The following TMEM132C variants were observed in gnomAD, a reference collection of about 807,000 sequenced individuals.
The protein encoded by TMEM132C is protein phosphatase 1, regulatory subunit 152.
In TMEM132C, 29 loss-of-function variants were observed where a neutral mutation model predicts 61.4. That is an observed-to-expected ratio of 0.47 (90% CI 0.35 to 0.64). The LOEUF (loss-of-function observed/expected upper bound fraction) is 0.64. Among genes scored for constraint, TMEM132C ranks in the 30% least tolerant of loss-of-function variants. The probability of loss-of-function intolerance (pLI) is 0.00; values close to 1 mark genes in which losing one functional copy is unlikely to be tolerated. For missense variants in TMEM132C, 1,408 were observed against 1,476.9 expected (o/e 0.95, Z 0.76); for synonymous variants, 656 against 633.1 (o/e 1.04, Z -0.54).
At chr12:128,456,550 G>A (rs1350797036) in intron 2 of TMEM132C, among the ~76,000 whole-genome samples, 3 of 151,164 alleles carry the variant, frequency 2.0e-5, no homozygotes, top group Non-Finnish European at 2.9e-5. Context: ...GGGACCACAG[G>A]TGCCTGCTAC....
At chr12:128,391,969 A>T (rs1874777203) in intron 1 of TMEM132C, among the ~76,000 whole-genome samples, 1 of 152,218 alleles carries the variant, frequency 6.6e-6, no homozygotes. Flanking sequence ...TTGTCATAAA[A>T]TACCTACTAT....
intron 4 of TMEM132C, among the ~76,000 whole-genome samples, chr12:128,623,310 G>C (rs1953984305): frequency 6.6e-6 from 1 of 152,022 alleles, no homozygotes. Context: ...CTTTCATTAT[G>C]GGACTTGCTT....
chr12:128,693,683 GCA>G, intron 5 of TMEM132C, 144 bp from the exon 6 acceptor site: 1 of 887,882 alleles, frequency 1.1e-6, no homozygotes, highest in Non-Finnish European at 1.7e-6. Flanking sequence ...TAAACTGAGT[GCA>G]CCAAATCCTT....
intron 3 of TMEM132C, among the ~76,000 whole-genome samples, chr12:128,564,186 A>C (rs897570762): frequency 2.6e-5 from 4 of 152,182 alleles, no homozygotes; most frequent in Non-Finnish European, 5.9e-5. Flanking sequence ...TGGAGGCTCT[A>C]TGCTCAAGAT....
chr12:128,321,026 A>G (rs1179756383), intron 1 of TMEM132C, among the ~76,000 whole-genome samples: 69 of 151,586 alleles, frequency 4.6e-4, no homozygotes, highest in Non-Finnish European at 4.4e-5. Flanking sequence ...GACCTGTCAG[A>G]GCCCTATCAG....
Position 128,267,469 on chromosome 12 carries a change from G to C in TMEM132C, c.67G>C (p.Gly23Arg). ...GTGCGGGGCGCTGAGCCTGCTGCTG[G>C]GCGCGCTGCTGGGCAAAGGTAAGGC... is the stretch of plus-strand genomic sequence containing the variant. Reference protein sequence around the residue: ...PLCGALSLLLGALLGKVIEGH... With the variant: ...PLCGALSLLLRALLGKVIEGH... Residue 23 changes from glycine (G) to arginine (R), a missense_variant, in exon 1 of 9, where the codon GGC becomes CGC. Physicochemically the swap from Gly to Arg is moderately radical, Grantham distance 125. Transcript: ENST00000435159. The C allele has an allele frequency of 7.9e-7, 1 of 1,270,346 alleles. No individual in the cohort carries two copies. 78.7% of individuals were successfully genotyped at this position (1,270,346 alleles called of 1,614,324 possible). A position where few individuals can be genotyped will look rare whatever the true frequency, so the allele number is the denominator to read the frequency against.
At chr12:128,404,329 T>A (rs1216057503) in intron 1 of TMEM132C, 2 of 152,226 alleles carry the variant, frequency 1.3e-5, no homozygotes, top group Non-Finnish European at 2.9e-5. Flanking sequence ...CCTGGCTTCA[T>A]CCCATCTGCC....
intron 1 of TMEM132C, among the ~76,000 whole-genome samples, chr12:128,384,156 AGAGGAGCTGAAGTCT>A (rs759591569): frequency 6.6e-6 from 1 of 152,250 alleles, no homozygotes; most frequent in Admixed American, 6.5e-5. Context: ...GTCAATCATT[AGAGGAGCTGAAGTCT>A]GACCTTCTCC....
At chr12:128,405,047 T>C (rs1875294193) in intron 1 of TMEM132C, among the ~76,000 whole-genome samples, 1 of 152,126 alleles carries the variant, frequency 6.6e-6, no homozygotes, top group Non-Finnish European at 1.5e-5. Context: ...CCCGTGGCCG[T>C]AGGAAACCAG....
chr12:128,344,222 A>G (rs1201940549), intron 1 of TMEM132C, among the ~76,000 whole-genome samples: 2 of 152,100 alleles, frequency 1.3e-5, no homozygotes, highest in African/African-American at 2.4e-5. Flanking sequence ...CCGTGGCGCA[A>G]TCTAGGCTCA....
At chr12:128,455,403 A>G (rs1240375968) in intron 2 of TMEM132C, among the ~76,000 whole-genome samples, 1 of 152,220 alleles carries the variant, frequency 6.6e-6, no homozygotes, top group Non-Finnish European at 1.5e-5. Flanking sequence ...GTCTGTGCTC[A>G]GGTTCAGGAG....
At chr12:128,413,339 G>A (rs965217286) in intron 1 of TMEM132C, among the ~76,000 whole-genome samples, 1 of 127,456 alleles carries the variant, frequency 7.8e-6, no homozygotes, top group Non-Finnish European at 1.6e-5. Flanking sequence ...TGCAATAAAT[G>A]ATCTTGTGTG....
At chr12:128,340,330 CTA>C (rs1565905800) in intron 1 of TMEM132C, among the ~76,000 whole-genome samples, 2 of 152,140 alleles carry the variant, frequency 1.3e-5, no homozygotes, top group Non-Finnish European at 2.9e-5. Context: ...CTTGAATACT[CTA>C]TCGGTGCTTC....
intron 1 of TMEM132C, among the ~76,000 whole-genome samples, chr12:128,295,863 C>T (rs546133892): frequency 6.6e-6 from 1 of 151,996 alleles, no homozygotes; most frequent in African/African-American, 2.4e-5. Flanking sequence ...TTGTACATTC[C>T]TCTGTCTTTC....
At chr12:128,475,214 G>GTCAT (rs1357206160) in intron 2 of TMEM132C, among the ~76,000 whole-genome samples, 1 of 152,090 alleles carries the variant, frequency 6.6e-6, no homozygotes, top group Non-Finnish European at 1.5e-5. Flanking sequence ...AACTCGAAAT[G>GTCAT]TCATTTCTTA....
At chr12:128,588,169 C>T (rs1459804925) in intron 3 of TMEM132C, among the ~76,000 whole-genome samples, 1 of 152,198 alleles carries the variant, frequency 6.6e-6, no homozygotes, top group Non-Finnish European at 1.5e-5. Flanking sequence ...TGCAGTGGCT[C>T]ACACCTGTCA....
intron 1 of TMEM132C, among the ~76,000 whole-genome samples, chr12:128,358,227 T>C (rs551314580): frequency 1.3e-5 from 2 of 151,762 alleles, no homozygotes; most frequent in African/African-American, 4.8e-5. Context: ...TCAGAAGAGG[T>C]AGGTTTACAA....
intron 3 of TMEM132C, among the ~76,000 whole-genome samples, chr12:128,561,607 G>A (rs1262893321): frequency 2.0e-5 from 3 of 152,190 alleles, no homozygotes; most frequent in Non-Finnish European, 2.9e-5. Context: ...CCGTGTGGAC[G>A]TCATTGTTGG....
chr12:128,618,772 G>T (rs149007687), intron 4 of TMEM132C, among the ~76,000 whole-genome samples: 163 of 152,270 alleles, frequency 1.1e-3, no homozygotes, highest in African/African-American at 3.9e-3. Context: ...CCAGCCACAC[G>T]GAATGGTGAG....
Sources: gnomAD v4.1 joint callset for allele counts (sites outside exome capture counted in the v4.1 genomes callset) on GRCh38, gnomAD v4.1.1 for gene constraint, MANE v1.5 for transcripts, NCBI Gene and HGNC (gene_info 2026-07-23, HGNC 2026-07-21) for gene names.